Variants in SIRPA observed in about 807,000 individuals in gnomAD.
The protein encoded by SIRPA is signal regulatory protein alpha, also known as tyrosine-protein phosphatase non-receptor type substrate 1.
A neutral mutation model predicts 50.3 loss-of-function variants in SIRPA; 9 were observed. That is an observed-to-expected ratio of 0.18 (90% confidence interval 0.11 to 0.31). SIRPA has a LOEUF of 0.31. Among genes scored for constraint, SIRPA ranks in the 10% least tolerant of loss-of-function variants. SIRPA has a pLI of 1.00. For synonymous variants in SIRPA, 265 were observed against 284.1 expected (o/e 0.93, Z 0.68); for missense variants, 474 against 661.6 (o/e 0.72, Z 3.11).
chr20:1,921,524 A>C lies in SIRPA; in HGVS notation c.566A>C (p.Asn189Thr). 1.2e-6 allele frequency: 2 copies of C among 1,614,160 alleles called. No individual in the cohort carries two copies. Among genetic ancestry groups the C allele is most frequent in the African/African-American group, 2.7e-5 (2 of 75,058 alleles). ...DITLKWFKNG[N>T]ELSDFQTNVD... ...ACCCTGAAATGGTTCAAAAATGGGA[A>C]TGAGCTCTCAGACTTCCAGACCAAC... The change falls in exon 3 of 8, where the codon AAT becomes ACT. Residue 189 changes from asparagine (N) to threonine (T), a missense_variant. By Grantham distance (65) the Asn-to-Thr change is moderately conservative (BLOSUM62 0). Around this residue, in one of 4 missense-constraint regions of SIRPA, gnomAD observed 221 missense variants for 359.9 expected, o/e 0.61. Coordinates refer to ENST00000358771, the MANE Select transcript of SIRPA (RefSeq NM_001040023.2).
rs896518807 is a variant in SIRPA at position 1,937,099 on chromosome 20, G to A, written c.1267-221G>A. Among the ~76,000 whole-genome samples the A allele has an allele frequency of 2.0e-5, 3 of 152,074 alleles. No homozygotes were observed. Among genetic ancestry groups the A allele is most frequent in the African/African-American group, 7.3e-5 (3 of 41,350 alleles). On this transcript the variant is annotated intron_variant, in intron 7 of 7. Transcript: ENST00000358771. The surrounding 1 kb of genome is among the most constrained non-coding windows in gnomAD (Gnocchi z 8.3). ...TGAGGAGACTGCACTGTGCGGGTCA[G>A]AAAGACCCTTCAGGCAGGGTGAGGA...
At chr20:1,929,943 C>A (rs887022224) in intron 6 of SIRPA, among the ~76,000 whole-genome samples, 1 of 152,146 alleles carries the variant, frequency 6.6e-6, no homozygotes, top group African/African-American at 2.4e-5. Context: ...CTTCTAGCCA[C>A]CCCCTGTCCT....
At chr20:1,904,033 G>T (rs1208311514) in intron 1 of SIRPA, among the ~76,000 whole-genome samples, 1 of 152,146 alleles carries the variant, frequency 6.6e-6, no homozygotes, top group Non-Finnish European at 1.5e-5. Flanking sequence ...AAAGAACAAG[G>T]TGGGTACTAA....
intron 1 of SIRPA, 53 bp downstream of exon 1, chr20:1,895,579 C>A: frequency 7.6e-7 from 1 of 1,309,026 alleles, no homozygotes; most frequent in Non-Finnish European, 9.9e-7. Flanking sequence ...CGGGCTCAGG[C>A]CTCTCAGACT....
At chr20:1,907,787 T>C (rs1984633911) in intron 1 of SIRPA, among the ~76,000 whole-genome samples, 1 of 152,212 alleles carries the variant, frequency 6.6e-6, no homozygotes, top group South Asian at 2.1e-4. Context: ...AGAGTGAGGT[T>C]TGAGAGGGCA....
rs564682727 is a variant in SIRPA, at chr20:1,929,375, CAA to C, written c.1226+1477_1226+1478del. On this transcript the variant is annotated intron_variant, in intron 6 of 7. Transcript: ENST00000358771. ...TCTGGATATATTTTGAAGGTAGACA[CAA>C]GAGGACTTGCTGATAGATTGGCTGT... Among the ~76,000 whole-genome samples the C allele has an allele frequency of 1.0e-3, 158 of 152,174 alleles. 1 individual carries two copies. Among genetic ancestry groups the C allele is most frequent in the Admixed American group, 3.1e-3 (47 of 15,278 alleles).
intron 1 of SIRPA, among the ~76,000 whole-genome samples, chr20:1,907,775 G>A (rs1984633318): frequency 6.6e-6 from 1 of 152,242 alleles, no homozygotes; most frequent in Non-Finnish European, 1.5e-5. Context: ...GGGCCTGGCA[G>A]CAGAGTGAGG....
intron 1 of SIRPA, among the ~76,000 whole-genome samples, chr20:1,910,501 C>T (rs1295560281): frequency 2.6e-5 from 4 of 152,136 alleles, no homozygotes; most frequent in African/African-American, 7.2e-5. Flanking sequence ...ACTTATCATC[C>T]TTGCAGACCT....
In SIRPA at chr20:1,936,606, T is replaced by A. The variant is rs1324492392; in HGVS notation, c.1267-714T>A. Among the ~76,000 whole-genome samples, 1 of 152,238 alleles carries A rather than the reference T, an allele frequency of 6.6e-6. No homozygotes were observed. Among genetic ancestry groups the A allele is most frequent in the African/African-American group, 2.4e-5 (1 of 41,462 alleles). On this transcript the variant is annotated intron_variant, in intron 7 of 7. Coordinates refer to ENST00000358771, the MANE Select transcript of SIRPA (RefSeq NM_001040023.2). This position sits in a 1 kb window ranked among gnomAD's most constrained non-coding sequence, Gnocchi z 4.2. ...TTCTCTGTCTCCCTGTCCCCAGCTT[T>A]GCCCTGAGTGAAGGTGAAATTATTG...
At chr20:1,914,670 TCGGGGCC>T (rs1985120150) in intron 1 of SIRPA, among the ~76,000 whole-genome samples, 1 of 151,306 alleles carries the variant, frequency 6.6e-6, no homozygotes, top group Non-Finnish European at 1.5e-5. Context: ...GCCTCCCTTC[TCGGGGCC>T]TGCATCCTGG....
At chr20:1,899,697 G>T (rs888160921) in intron 1 of SIRPA, among the ~76,000 whole-genome samples, 1 of 152,084 alleles carries the variant, frequency 6.6e-6, no homozygotes, top group Non-Finnish European at 1.5e-5. Context: ...GCCTCTCCAC[G>T]CAGACACACA....
intron 1 of SIRPA, among the ~76,000 whole-genome samples, chr20:1,903,553 G>A (rs899524318): frequency 6.6e-6 from 1 of 152,086 alleles, no homozygotes; most frequent in Non-Finnish European, 1.5e-5. Context: ...AACCTTTTTC[G>A]GTTTCCAGCA....
intron 1 of SIRPA, among the ~76,000 whole-genome samples, chr20:1,914,860 C>T (rs965696338): frequency 2.0e-5 from 3 of 152,094 alleles, no homozygotes; most frequent in Non-Finnish European, 4.4e-5. Context: ...AGGGTCCAGG[C>T]ATTCAAACCC....
In SIRPA at chr20:1,928,982, G is replaced by A. The variant is rs1011683094; in HGVS notation, c.1226+1083G>A. On this transcript the variant is annotated intron_variant, in intron 6 of 7. Coordinates refer to ENST00000358771, the MANE Select transcript of SIRPA (RefSeq NM_001040023.2). This position sits in a 1 kb window ranked among gnomAD's most constrained non-coding sequence, Gnocchi z 4.9. Reference sequence around the variant, plus strand: ...TCTGCATAGAACCATGTGGACATCCGTGCTAAGAGTGATAAATAAAACTAT... The same window carrying A: ...TCTGCATAGAACCATGTGGACATCCATGCTAAGAGTGATAAATAAAACTAT... 1.1e-4 allele frequency among the ~76,000 whole-genome samples: 16 copies of A among 152,148 alleles called. No individual in the cohort carries two copies. Among genetic ancestry groups the A allele is most frequent in the Admixed American group, 7.9e-4 (12 of 15,286 alleles).
intron 6 of SIRPA, among the ~76,000 whole-genome samples, chr20:1,931,536 C>T (rs959184547): frequency 8.5e-5 from 13 of 152,170 alleles, no homozygotes; most frequent in African/African-American, 2.7e-4. Context: ...TCACTTGCTC[C>T]CTTTCATCTC....
At position 1,936,765 on chromosome 20, in the gene SIRPA, C is replaced by T. The variant is rs1237588059; in HGVS notation, c.1267-555C>T. Reference sequence around the variant, plus strand: ...TTAATGAATGTCCCCACACGTACCACCATCAGCAGCACCTCCTCAGGCCCC... The same window carrying T: ...TTAATGAATGTCCCCACACGTACCATCATCAGCAGCACCTCCTCAGGCCCC... On this transcript the variant is annotated intron_variant, in intron 7 of 7. Transcript: ENST00000358771. The surrounding 1 kb of genome is among the most constrained non-coding windows in gnomAD (Gnocchi z 4.2). Among the ~76,000 whole-genome samples, 3 of 152,212 alleles carry T rather than the reference C, an allele frequency of 2.0e-5. No individual in the cohort carries two copies. The highest frequency in any genetic ancestry group is 4.4e-5 in the Non-Finnish European group (3 of 68,040).
chr20:1,907,887 T>A (rs954654115), intron 1 of SIRPA, among the ~76,000 whole-genome samples: 1 of 152,210 alleles, frequency 6.6e-6, no homozygotes, highest in African/African-American at 2.4e-5. Context: ...GTGGCATCCA[T>A]GCAGCCATCC....
intron 5 of SIRPA, among the ~76,000 whole-genome samples, chr20:1,926,457 A>G (rs1004593534): frequency 2.0e-5 from 3 of 152,218 alleles, no homozygotes; most frequent in African/African-American, 7.2e-5. Context: ...CTGTGGGCTT[A>G]GGTGTTGCAG....
intron 1 of SIRPA, among the ~76,000 whole-genome samples, chr20:1,896,143 TG>T (rs1231404648): frequency 6.6e-6 from 1 of 152,148 alleles, no homozygotes; most frequent in Non-Finnish European, 1.5e-5. Context: ...AAAAACACGG[TG>T]GATTGTCCCT....
Sources: allele counts gnomAD v4.1 joint callset (sites outside exome capture counted in the v4.1 genomes callset), GRCh38; gene constraint gnomAD v4.1.1; regional missense constraint gnomAD v4.1.1; non-coding constraint Gnocchi (gnomAD v3.1); transcripts MANE v1.5; gene names NCBI Gene and HGNC (gene_info 2026-07-23, HGNC 2026-07-21).